Variants in TMCO4 observed in about 807,000 individuals in gnomAD.
The protein encoded by TMCO4 is transmembrane and coiled-coil domain-containing protein 4.
Under a neutral mutation model 64.7 loss-of-function variants are expected in TMCO4, and 58 were observed. That is an observed-to-expected ratio of 0.90 (90% CI 0.73 to 1.12). The LOEUF (loss-of-function observed/expected upper bound fraction) is 1.12. Ranked by LOEUF, TMCO4 falls within the 50% of genes most tolerant of loss-of-function variation. The probability of loss-of-function intolerance (pLI) is 0.00; values close to 1 mark genes in which losing one functional copy is unlikely to be tolerated. For missense variants in TMCO4, 780 were observed against 825.9 expected, an observed-to-expected ratio of 0.94 and a Z score of 0.68; for synonymous variants, 325 against 346.1, an observed-to-expected ratio of 0.94 and a Z score of 0.68.
chr1:19,755,817 C>T, intron 6 of TMCO4, 51 bp from the exon 7 acceptor site: 2 of 1,611,096 alleles, frequency 1.2e-6, no homozygotes, highest in Middle Eastern at 1.7e-4. Context: ...GTTTTAAGAA[C>T]AGTGATGTTA....
chr1:19,725,759 G>C (rs2095406042), intron 13 of TMCO4, among the ~76,000 whole-genome samples: 1 of 152,226 alleles, frequency 6.6e-6, no homozygotes, highest in Non-Finnish European at 1.5e-5. Flanking sequence ...GCAGGTGCAT[G>C]TTTTGTCTTG....
intron 13 of TMCO4, among the ~76,000 whole-genome samples, chr1:19,715,162 G>A (rs993955788): frequency 6.6e-6 from 1 of 152,022 alleles, no homozygotes; most frequent in Non-Finnish European, 1.5e-5. Context: ...AGCCCGGAGG[G>A]GGTCGAGGCT....
chr1:19,718,801 G>T (rs902376194), intron 13 of TMCO4, among the ~76,000 whole-genome samples: 1 of 152,010 alleles, frequency 6.6e-6, no homozygotes, highest in Non-Finnish European at 1.5e-5. Context: ...CAGCTCCCTG[G>T]TGTATTTCTT....
rs778826078 is a variant in TMCO4, at chr1:19,737,384, C to A, written c.1252G>T (p.Ala418Ser). ...RVIYFCLQEM[A>S]QEKDCQGIIE... ...AATCCATGCTCACCTTTCTCTTGAG[C>A]CATCTCCTGCAGACAGAAGTAGATG... The change falls in exon 13 of 16, where the codon GCT (alanine) becomes TCT (serine). Residue 418 changes from alanine to serine, a missense_variant. Physicochemically the swap from Ala to Ser is moderately conservative, Grantham distance 99. Coordinates refer to ENST00000294543, the MANE Select transcript of TMCO4 (RefSeq NM_181719.7). 1 of 1,613,378 alleles carries A rather than the reference C, an allele frequency of 6.2e-7. No homozygotes were observed. Among genetic ancestry groups the A allele is most frequent in the South Asian group, 1.1e-5 (1 of 91,028 alleles).
At chr1:19,727,681 C>A (rs1220028975) in intron 13 of TMCO4, among the ~76,000 whole-genome samples, 2 of 152,148 alleles carry the variant, frequency 1.3e-5, no homozygotes, top group Non-Finnish European at 2.9e-5. Context: ...AATAGAACTA[C>A]CATTCAACCC....
At chr1:19,697,777 T>A (rs954660452) in intron 14 of TMCO4, among the ~76,000 whole-genome samples, 15 of 150,816 alleles carry the variant, frequency 9.9e-5, no homozygotes, top group Admixed American at 3.3e-4. Flanking sequence ...TTTTGTATTT[T>A]TTTTTTTTTT....
chr1:19,798,946 G>T (rs1041731295), intron 1 of TMCO4, among the ~76,000 whole-genome samples: 1 of 152,234 alleles, frequency 6.6e-6, no homozygotes, highest in Non-Finnish European at 1.5e-5. Context: ...GGAAAAAGGG[G>T]GCTCATGTGC....
chr1:19,770,667 C>A, intron 5 of TMCO4, 98 bp from the exon 6 acceptor site: 1 of 1,297,736 alleles, frequency 7.7e-7, no homozygotes, highest in Admixed American at 2.2e-5. Context: ...CAGAACAAGA[C>A]AGACAAAAAG....
chr1:19,704,236 A>G (rs1420722520), intron 13 of TMCO4, among the ~76,000 whole-genome samples: 1 of 152,238 alleles, frequency 6.6e-6, no homozygotes, highest in Non-Finnish European at 1.5e-5. Flanking sequence ...AAGAATTTAA[A>G]ACTTCAGTAA....
intron 2 of TMCO4, among the ~76,000 whole-genome samples, chr1:19,794,654 T>C (rs887528862): frequency 1.3e-5 from 2 of 152,190 alleles, no homozygotes; most frequent in African/African-American, 2.4e-5. Flanking sequence ...TGGGTATATA[T>C]GCAAAATAAT....
chr1:19,795,234 G>A (rs566104846), intron 2 of TMCO4, among the ~76,000 whole-genome samples: 2 of 152,182 alleles, frequency 1.3e-5, no homozygotes, highest in South Asian at 4.2e-4. Flanking sequence ...ACTCTGGGAG[G>A]CTGAGGTGGG....
chr1:19,782,372 G>A (rs2043531597), intron 3 of TMCO4, among the ~76,000 whole-genome samples: 4 of 152,194 alleles, frequency 2.6e-5, no homozygotes, highest in African/African-American at 4.8e-5. Context: ...GTCAGATGAG[G>A]GGTTACATGT....
At chr1:19,787,330 C>G (rs927650884) in intron 2 of TMCO4, among the ~76,000 whole-genome samples, 2 of 152,234 alleles carry the variant, frequency 1.3e-5, no homozygotes, top group African/African-American at 4.8e-5. Context: ...GCTGAGCACT[C>G]ACCATGTGCT....
chr1:19,757,492 T>C (rs1306333542), intron 6 of TMCO4, among the ~76,000 whole-genome samples: 6 of 152,166 alleles, frequency 3.9e-5, no homozygotes, highest in African/African-American at 1.2e-4. Flanking sequence ...ATTCTTAATG[T>C]AATCACACCT....
intron 3 of TMCO4, among the ~76,000 whole-genome samples, chr1:19,785,118 C>T (rs912401508): frequency 3.3e-5 from 5 of 152,100 alleles, no homozygotes; most frequent in African/African-American, 9.7e-5. Flanking sequence ...CTGCCATTCT[C>T]CCTGCTGGGA....
chr1:19,770,193 G>A (rs757253457), intron 6 of TMCO4, among the ~76,000 whole-genome samples: 18 of 152,232 alleles, frequency 1.2e-4, no homozygotes, highest in Non-Finnish European at 2.6e-4. Context: ...TGGCCAGAGT[G>A]GTGGCAGGAA....
chr1:19,765,568 G>C (rs1465701645), intron 6 of TMCO4, among the ~76,000 whole-genome samples: 1 of 152,126 alleles, frequency 6.6e-6, no homozygotes, highest in African/African-American at 2.4e-5. Context: ...CCCCACAACA[G>C]AATGATCCAG....
intron 13 of TMCO4, among the ~76,000 whole-genome samples, chr1:19,731,208 G>A (rs1338876879): frequency 2.0e-5 from 3 of 152,206 alleles, no homozygotes; most frequent in African/African-American, 7.2e-5. Context: ...AGTGGAAACT[G>A]GAGGTTCTGA....
At chr1:19,786,281 C>T (rs1400208737) in intron 3 of TMCO4, among the ~76,000 whole-genome samples, 2 of 151,306 alleles carry the variant, frequency 1.3e-5, no homozygotes, top group Admixed American at 1.3e-4. Context: ...CCAGAACAAA[C>T]AGAAAAAACA....
Sources: allele counts gnomAD v4.1 joint callset (sites outside exome capture counted in the v4.1 genomes callset), GRCh38; gene constraint gnomAD v4.1.1; transcripts MANE v1.5; gene names NCBI Gene and HGNC (gene_info 2026-07-23, HGNC 2026-07-21).